ATP6V0A4: variants seen among roughly 807,000 people sequenced by gnomAD.
ATP6V0A4 encodes the protein V-type proton ATPase 116 kDa subunit a 4.
Under a neutral mutation model 107.3 loss-of-function variants are expected in ATP6V0A4, and 86 were observed. The observed-to-expected ratio is 0.80, with a 90% CI of 0.67 to 0.96. ATP6V0A4 has a LOEUF of 0.96. Among genes scored for constraint, ATP6V0A4 ranks in the 40% least tolerant of loss-of-function variants. The probability of loss-of-function intolerance (pLI) is 0.00; values close to 1 mark genes in which losing one functional copy is unlikely to be tolerated. For missense variants in ATP6V0A4, 908 were observed against 1,045.6 expected (o/e 0.87, Z 1.81); for synonymous variants, 353 against 381.4 (o/e 0.93, Z 0.87).
At chr7:138,733,899 A>G (rs1186764903) in intron 16 of ATP6V0A4, among the ~76,000 whole-genome samples, 1 of 152,020 alleles carries the variant, frequency 6.6e-6, no homozygotes. Context: ...TGAACCCTCA[A>G]ATATTTCTGG....
intron 20 of ATP6V0A4, 127 bp downstream of exon 20, chr7:138,715,637 A>G (rs1279521962): frequency 1.5e-6 from 2 of 1,353,332 alleles, no homozygotes; most frequent in African/African-American, 2.9e-5. Flanking sequence ...CTGGGAAAGA[A>G]GAGTCATTCT....
intron 2 of ATP6V0A4, among the ~76,000 whole-genome samples, chr7:138,774,597 A>G (rs1418302371): frequency 1.2e-5 from 1 of 85,448 alleles, no homozygotes; most frequent in Non-Finnish European, 2.8e-5. Context: ...AAATAAATAA[A>G]TATATATATC....
At chr7:138,716,668 A>T (rs1271327230) in intron 19 of ATP6V0A4, among the ~76,000 whole-genome samples, 1 of 152,008 alleles carries the variant, frequency 6.6e-6, no homozygotes, top group African/African-American at 2.4e-5. Flanking sequence ...GGTTCAGGTG[A>T]TCCTCCCATC....
intron 20 of ATP6V0A4, among the ~76,000 whole-genome samples, chr7:138,713,287 A>G (rs1028972380): frequency 2.0e-5 from 3 of 151,386 alleles, no homozygotes; most frequent in South Asian, 2.1e-4. Flanking sequence ...CCTGAAAAAA[A>G]AAAAAAAAAA....
At position 138,709,937 on chromosome 7, in the gene ATP6V0A4, C is replaced by A. The variant is rs972005849; in HGVS notation, c.2258-142G>T. 24 of 979,248 alleles carry A rather than the reference C, an allele frequency of 2.5e-5. 1 individual carries two copies. The highest frequency in any genetic ancestry group is 7.2e-5 in the African/African-American group (4 of 55,334). The allele number at this position is 979,248 out of a possible 1,614,324, so 60.7% of individuals were successfully genotyped here. Reference sequence around the variant, plus strand: ...CTCTGTTGCCTAGGATGGTCTCCAACTCCTGGCCTGAAGCAATCCTCCTGT... The same window carrying A: ...CTCTGTTGCCTAGGATGGTCTCCAAATCCTGGCCTGAAGCAATCCTCCTGT... On this transcript the variant is annotated intron_variant, in intron 20 of 21. Transcript: ENST00000310018.
chr7:138,722,590 C>CA (rs1267856622), intron 18 of ATP6V0A4, among the ~76,000 whole-genome samples: 2 of 150,468 alleles, frequency 1.3e-5, no homozygotes, highest in Non-Finnish European at 3.0e-5. Flanking sequence ...ATTAAAAATA[C>CA]AAAAAATAGC....
chr7:138,785,625 C>A (rs1188021126), intron 2 of ATP6V0A4, among the ~76,000 whole-genome samples: 1 of 151,988 alleles, frequency 6.6e-6, no homozygotes, highest in Admixed American at 6.6e-5. Flanking sequence ...ACTCTGCCAC[C>A]CACCACCCTT....
chr7:138,730,828 G>A (rs1435564357), intron 17 of ATP6V0A4, among the ~76,000 whole-genome samples: 1 of 151,950 alleles, frequency 6.6e-6, no homozygotes, highest in Non-Finnish European at 1.5e-5. Flanking sequence ...TACCATCTGT[G>A]ATAACAAAAT....
In ATP6V0A4 at chr7:138,762,264, T is replaced by C. The variant is rs1806859642; in HGVS notation, c.512+76A>G. The C allele has an allele frequency of 3.9e-6, 6 of 1,541,752 alleles. No homozygotes were observed. In the South Asian group the frequency reaches 6.7e-5, roughly 17 times the overall value. On this transcript the variant is annotated intron_variant, in intron 7 of 21. Transcript: ENST00000310018. Reference sequence around the variant, plus strand: ...CAGTCCCCATTCCAATGGCTATTTGTTCACCCGTTCATTCACTCACTCAGA... The same window carrying C: ...CAGTCCCCATTCCAATGGCTATTTGCTCACCCGTTCATTCACTCACTCAGA...
At chr7:138,748,034 G>A (rs1327766966) in intron 12 of ATP6V0A4, among the ~76,000 whole-genome samples, 1 of 152,000 alleles carries the variant, frequency 6.6e-6, no homozygotes, top group African/African-American at 2.4e-5. Flanking sequence ...GGGATTATGG[G>A]CATGAGCCAC....
chr7:138,711,592 A>G (rs1257621403), intron 20 of ATP6V0A4, among the ~76,000 whole-genome samples: 2 of 152,124 alleles, frequency 1.3e-5, no homozygotes, highest in African/African-American at 4.8e-5. Context: ...GAGGACCCCT[A>G]TTTGCTTGCT....
chr7:138,747,701 C>T, intron 12 of ATP6V0A4, 137 bp from the exon 13 acceptor site: 1 of 1,353,262 alleles, frequency 7.4e-7, no homozygotes, highest in Non-Finnish European at 1.0e-6. Flanking sequence ...ACCATCCCTA[C>T]CCTGACACAT....
At chr7:138,758,678 A>C (rs1806627913) in intron 8 of ATP6V0A4, among the ~76,000 whole-genome samples, 1 of 147,896 alleles carries the variant, frequency 6.8e-6, no homozygotes. Flanking sequence ...CATCATCAGC[A>C]TTCTCTGGGA....
At chr7:138,740,795 A>AT (rs1161030015) in intron 14 of ATP6V0A4, among the ~76,000 whole-genome samples, 10 of 150,828 alleles carry the variant, frequency 6.6e-5, no homozygotes, top group Admixed American at 1.3e-4. Context: ...TGTTGAGTTG[A>AT]TTTTTTTTTA....
intron 11 of ATP6V0A4, among the ~76,000 whole-genome samples, chr7:138,750,564 G>A (rs755253295): frequency 3.9e-5 from 6 of 152,248 alleles, no homozygotes; most frequent in East Asian, 3.9e-4. Flanking sequence ...TACAGCCACC[G>A]CACACCCGAC....
rs751849649 is a variant in ATP6V0A4 at position 138,759,873 on chromosome 7, A to C, written c.518T>G (p.Ile173Arg). Reference protein sequence around the residue: ...PAYMTGKLGFIAGVINRERMA... With the variant: ...PAYMTGKLGFRAGVINRERMA... ...CCTCTCCCTGTTGATCACACCGGCT[A>C]TGAACCTAGGCAGCCAGAAGGGAAG... Residue 173 changes from isoleucine (I) to arginine (R), a missense_variant, in exon 8 of 22, where the codon ATA becomes AGA. Ile to Arg is a moderately conservative substitution (Grantham distance 97). Coordinates refer to ENST00000310018, the MANE Select transcript of ATP6V0A4 (RefSeq NM_020632.3). 3.1e-6 allele frequency: 5 copies of C among 1,613,998 alleles called. No individual in the cohort carries two copies. The highest frequency in any genetic ancestry group is 4.2e-6 in the Non-Finnish European group (5 of 1,180,024).
rs1280207749 is a variant in ATP6V0A4 at position 138,771,253 on chromosome 7, C to T, written c.-6G>A. The T allele has an allele frequency of 6.2e-7, 1 of 1,613,060 alleles. No homozygotes were observed. On this transcript the variant is annotated 5_prime_UTR_variant, in exon 3 of 22. Transcript: ENST00000310018. ...CTTCGAAACACAGACACCATCTTGG[C>T]CCAGCCTCGGTCTACAGGAGAAAAA...
intron 12 of ATP6V0A4, among the ~76,000 whole-genome samples, chr7:138,748,203 T>C (rs1384379613): frequency 6.6e-6 from 1 of 152,046 alleles, no homozygotes; most frequent in African/African-American, 2.4e-5. Context: ...AGGTGCTTTC[T>C]ATACTCTTCT....
At chr7:138,795,548 C>T (rs1330041134) in intron 1 of ATP6V0A4, among the ~76,000 whole-genome samples, 1 of 152,232 alleles carries the variant, frequency 6.6e-6, no homozygotes. Flanking sequence ...CAGCGTCCCA[C>T]ATTAAATCGT....
Sources: allele counts gnomAD v4.1 joint callset (sites outside exome capture counted in the v4.1 genomes callset), GRCh38; gene constraint gnomAD v4.1.1; transcripts MANE v1.5; gene names NCBI Gene and HGNC (gene_info 2026-07-23, HGNC 2026-07-21).